SETBP1: variants seen among roughly 807,000 people sequenced by gnomAD.
SETBP1 encodes SET-binding protein.
Under a neutral mutation model 101.0 loss-of-function variants are expected in SETBP1, and 9 were observed. The observed-to-expected ratio is 0.09, with a 90% CI of 0.05 to 0.16. The LOEUF is 0.16. Ranked by LOEUF, SETBP1 falls within the 10% of genes least tolerant of loss-of-function variation. The pLI is 1.00. For missense variants in SETBP1, 1,858 were observed against 2,033.8 expected, an observed-to-expected ratio of 0.91 and a Z score of 1.66; for synonymous variants, 818 against 788.5, an observed-to-expected ratio of 1.04 and a Z score of -0.63.
chr18:44,769,960 C>T (rs937648461), intron 2 of SETBP1, among the ~76,000 whole-genome samples: 1 of 152,202 alleles, frequency 6.6e-6, no homozygotes, highest in Non-Finnish European at 1.5e-5. Context: ...TCCTCAAATT[C>T]TCACTCTCAA....
At chr18:44,970,573 C>T (rs1437383164) in intron 4 of SETBP1, among the ~76,000 whole-genome samples, 1 of 151,116 alleles carries the variant, frequency 6.6e-6, no homozygotes, top group Non-Finnish European at 1.5e-5. Context: ...TTTTTTGGAA[C>T]AGAGTGTTGC....
At position 44,952,794 on chromosome 18, in the gene SETBP1, C is replaced by T. The variant is rs1294809485; in HGVS notation, c.3454C>T (p.His1152Tyr). Residue 1152 changes from histidine (H) to tyrosine (Y), a missense_variant, in exon 4 of 6, where the codon CAC becomes TAC. This residue lies in a region of SETBP1 where 417 missense variants were observed against 389.1 expected (regional missense o/e 1.07). Transcript: ENST00000649279. ...CAGTGGTCGGCTCCATAAGAGGAAA[C>T]ACAAACACAAGCATAAGCACAAGGA... is the stretch of plus-strand genomic sequence containing the variant. ...LSSGRLHKRK[H>Y]KHKHKHKEDR... 6.2e-6 allele frequency: 10 copies of T among 1,613,954 alleles called. No homozygotes were observed.
intron 3 of SETBP1, among the ~76,000 whole-genome samples, chr18:44,891,947 A>G (rs1409195695): frequency 1.3e-5 from 2 of 152,182 alleles, no homozygotes; most frequent in Non-Finnish European, 2.9e-5. Flanking sequence ...GCACATGATC[A>G]ACAGATATAT....
rs187300369 is a variant in SETBP1 at position 44,978,219 on chromosome 18, G to A, written c.4000+24879G>A. Among the ~76,000 whole-genome samples, 24 of 152,238 alleles carry A rather than the reference G, an allele frequency of 1.6e-4. No individual in the cohort carries two copies. The East Asian group carries it at 4.1e-3, about 26-fold the overall frequency. On this transcript the variant is annotated intron_variant, in intron 4 of 5. Transcript: ENST00000649279. ...TAGGACAGGCCCATATTTTAAGAGC[G>A]TCAATACAGAGTTCACCATCACAGG...
At chr18:44,798,950 T>C (rs1484047879) in intron 2 of SETBP1, among the ~76,000 whole-genome samples, 1 of 152,208 alleles carries the variant, frequency 6.6e-6, no homozygotes, top group Non-Finnish European at 1.5e-5. Context: ...CCTCCACTGA[T>C]AGGCAGTGCT....
intron 4 of SETBP1, among the ~76,000 whole-genome samples, chr18:45,008,753 A>G (rs544733091): frequency 6.6e-6 from 1 of 152,192 alleles, no homozygotes. Context: ...TGACTGCCCT[A>G]TAAGCTAATA....
intron 2 of SETBP1, among the ~76,000 whole-genome samples, chr18:44,793,552 T>TGG (rs2071408068): frequency 6.6e-6 from 1 of 152,192 alleles, no homozygotes; most frequent in African/African-American, 2.4e-5. Flanking sequence ...GAGACTTGGG[T>TGG]GGTGGGGACC....
rs550825614 is a variant in SETBP1, at chr18:45,067,158, G to T, written c.*3460G>T. On this transcript the variant is annotated 3_prime_UTR_variant, in exon 6 of 6. Transcript: ENST00000649279. ...AGAATGTTAATTTGGCTGCTGTCCG[G>T]ACTAGGAGGCCATGTTCAATGGCAG... The T allele has an allele frequency of 6.6e-6, 1 of 152,176 alleles. No individual in the cohort carries two copies. Among genetic ancestry groups the T allele is most frequent in the East Asian group, 1.9e-4 (1 of 5,182 alleles). 9.4% of individuals were successfully genotyped at this position (152,176 alleles called of 1,614,324 possible). A position where few individuals can be genotyped will look rare whatever the true frequency, so the allele number is the denominator to read the frequency against.
intron 4 of SETBP1, among the ~76,000 whole-genome samples, chr18:45,016,718 C>T (rs16978244): frequency 0.019 from 2,782 of 150,176 alleles, 74 homozygotes; most frequent in African/African-American, 0.064. Flanking sequence ...TGAGATTATA[C>T]ACATTGGTGC....
rs559284437 is a variant in SETBP1, at chr18:44,945,435, C to A, written c.541-4446C>A. Among the ~76,000 whole-genome samples, 5 of 152,342 alleles carry A rather than the reference C, an allele frequency of 3.3e-5. 1 individual carries two copies. The highest frequency in any genetic ancestry group is 3.3e-4 in the Admixed American group (5 of 15,308). On this transcript the variant is annotated intron_variant, in intron 3 of 5. Coordinates refer to ENST00000649279, the MANE Select transcript of SETBP1 (RefSeq NM_015559.3). ...ATGAAGAAATACTGTAAGCACAAAT[C>A]TGCCTAGTGTTTTCAGAGTTTCACT...
intron 3 of SETBP1, among the ~76,000 whole-genome samples, chr18:44,940,294 T>G (rs1390451113): frequency 6.6e-6 from 1 of 152,192 alleles, no homozygotes; most frequent in Non-Finnish European, 1.5e-5. Flanking sequence ...AGCATATAGT[T>G]CAGTTTTTCT....
intron 2 of SETBP1, among the ~76,000 whole-genome samples, chr18:44,805,654 G>A (rs1055956838): frequency 1.2e-4 from 18 of 152,016 alleles, no homozygotes; most frequent in African/African-American, 4.1e-4. Context: ...TTTATTTCAG[G>A]CATTTGCTTT....
At chr18:45,014,912 G>A (rs1172942202) in intron 4 of SETBP1, among the ~76,000 whole-genome samples, 1 of 152,202 alleles carries the variant, frequency 6.6e-6, no homozygotes, top group African/African-American at 2.4e-5. Context: ...ACCTGCAATT[G>A]AAGTCTTGGC....
At chr18:44,849,036 A>G (rs2072790924) in intron 2 of SETBP1, among the ~76,000 whole-genome samples, 1 of 152,180 alleles carries the variant, frequency 6.6e-6, no homozygotes, top group African/African-American at 2.4e-5. Context: ...ATTCTCATGC[A>G]TTTATTATTA....
In SETBP1 at chr18:45,000,110, A is replaced by C. The variant is rs559074916; in HGVS notation, c.4001-38375A>C. Among the ~76,000 whole-genome samples, 59 of 152,378 alleles carry C rather than the reference A, an allele frequency of 3.9e-4. 1 individual carries two copies. In the East Asian group the frequency reaches 9.1e-3, roughly 23 times the overall value. Reference sequence around the variant, plus strand: ...GCACTCTAACCTCCTCATTGGCATGAATGCCAACAAAGGAAATCAGGTGAT... The same window carrying C: ...GCACTCTAACCTCCTCATTGGCATGCATGCCAACAAAGGAAATCAGGTGAT... On this transcript the variant is annotated intron_variant, in intron 4 of 5. Coordinates refer to ENST00000649279, the MANE Select transcript of SETBP1 (RefSeq NM_015559.3).
Position 45,063,454 on chromosome 18 carries a change from C to T in SETBP1, c.4547C>T (p.Ala1516Val). 1.3e-6 allele frequency: 2 copies of T among 1,481,764 alleles called. No homozygotes were observed. Among genetic ancestry groups the T allele is most frequent in the South Asian group, 1.4e-5 (1 of 71,608 alleles). The allele number at this position is 1,481,764 out of a possible 1,614,324, so 91.8% of individuals were successfully genotyped here. ...MATIEAVIHMAREAPPLPPPP... is the reference protein window; with the variant it reads ...MATIEAVIHMVREAPPLPPPP... ...ACCATCGAGGCGGTCATCCACATGG[C>T]CCGGGAGGCGCCGCCCCTGCCCCCG... Residue 1516 changes from alanine (A) to valine (V), a missense_variant, in exon 6 of 6, where the codon GCC becomes GTC. Coordinates refer to ENST00000649279, the MANE Select transcript of SETBP1 (RefSeq NM_015559.3).
At chr18:45,056,930 C>A (rs530452034) in intron 5 of SETBP1, among the ~76,000 whole-genome samples, 1 of 152,264 alleles carries the variant, frequency 6.6e-6, no homozygotes, top group South Asian at 2.1e-4. Context: ...TCACAATAAA[C>A]CCCTAAGAAT....
At chr18:44,743,147 T>TTC (rs1199460572) in intron 2 of SETBP1, among the ~76,000 whole-genome samples, 2 of 151,044 alleles carry the variant, frequency 1.3e-5, no homozygotes, top group Admixed American at 6.6e-5. Flanking sequence ...TTTTTGCTCT[T>TTC]TCTCTCTCTC....
chr18:44,952,264 C>T lies in SETBP1; in HGVS notation c.2924C>T (p.Thr975Ile), dbSNP rs1416661863. The T allele has an allele frequency of 6.2e-7, 1 of 1,614,172 alleles. No homozygotes were observed. Among genetic ancestry groups the T allele is most frequent in the Non-Finnish European group, 8.5e-7 (1 of 1,180,042 alleles). The change falls in exon 4 of 6, where the codon ACC becomes ATC. Residue 975 changes from threonine to isoleucine, a missense_variant. Thr to Ile is a moderately conservative substitution (Grantham distance 89). Around this residue, in one of 12 missense-constraint regions of SETBP1, gnomAD observed 255 missense variants for 300.1 expected, o/e 0.85. Transcript: ENST00000649279. ...QVFRISHRSY[T>I]FYHENPYPSI... ...TTCAGAATCTCCCACCGGAGTTACACCTTCTACCACGAGAATCCATATCCC... is the reference window on the plus strand; with the variant it reads ...TTCAGAATCTCCCACCGGAGTTACATCTTCTACCACGAGAATCCATATCCC...
Sources: gnomAD v4.1 joint callset for allele counts (sites outside exome capture counted in the v4.1 genomes callset) on GRCh38, gnomAD v4.1.1 for gene constraint, gnomAD v4.1.1 regional missense constraint, MANE v1.5 for transcripts, NCBI Gene and HGNC (gene_info 2026-07-23, HGNC 2026-07-21) for gene names.